Variants in PRIM2 observed in about 807,000 individuals in gnomAD.
PRIM2 encodes the protein DNA primase large subunit.
In PRIM2, 39 loss-of-function variants were observed where a neutral mutation model predicts 67.3. The ratio of observed to expected loss-of-function variants is 0.58; its 90% confidence interval spans 0.45 to 0.76. The LOEUF is 0.76. Ranked by LOEUF, PRIM2 falls within the 30% of genes least tolerant of loss-of-function variation. The probability of loss-of-function intolerance (pLI) is 0.00; values close to 1 mark genes in which losing one functional copy is unlikely to be tolerated. For missense variants in PRIM2, 398 were observed against 598.7 expected, an observed-to-expected ratio of 0.66 and a Z score of 3.50; for synonymous variants, 143 against 198.7, an observed-to-expected ratio of 0.72 and a Z score of 2.36.
At chr6:57,259,165 C>A in the PRIM2 span, among the ~76,000 whole-genome samples, 15 of 152,290 alleles carry the variant, frequency 9.8e-5, no homozygotes, top group African/African-American at 3.6e-4. Flanking sequence ...AAGTACATGG[C>A]ACTGAAACAG....
At chr6:57,446,505 T>C (rs7770455) in intron 7 of PRIM2, among the ~76,000 whole-genome samples, 78,336 of 146,630 alleles carry the variant, frequency 0.53, 21,410 homozygotes, top group South Asian at 0.63. Context: ...CCTGTGCTTT[T>C]TGGGTTCAAG....
upstream of PRIM2, among the ~76,000 whole-genome samples, chr6:57,313,027 T>C (rs1192931938): frequency 6.6e-6 from 1 of 152,230 alleles, no homozygotes; most frequent in Non-Finnish European, 1.5e-5. Flanking sequence ...GGGTTTTCTA[T>C]TCTGTTCCAT....
At chr6:57,612,678 T>C (rs1273904624) in intron 12 of PRIM2, among the ~76,000 whole-genome samples, 13 of 152,170 alleles carry the variant, frequency 8.5e-5, no homozygotes, top group Non-Finnish European at 1.8e-4. Flanking sequence ...AAAGGAAATA[T>C]ATTTTATTTA....
At chr6:57,576,222 G>A (rs2127483234) in intron 10 of PRIM2, among the ~76,000 whole-genome samples, 1 of 152,112 alleles carries the variant, frequency 6.6e-6, no homozygotes, top group African/African-American at 2.4e-5. Context: ...AAATAAATAT[G>A]AGAAATTTGT....
intron 6 of PRIM2, among the ~76,000 whole-genome samples, chr6:57,381,035 A>G (rs1004131397): frequency 6.6e-6 from 1 of 151,614 alleles, no homozygotes; most frequent in Non-Finnish European, 1.5e-5. Context: ...TTTCTTCCCT[A>G]TATTATTGCA....
At chr6:57,297,441 C>CT in the PRIM2 span, among the ~76,000 whole-genome samples, 2 of 151,980 alleles carry the variant, frequency 1.3e-5, no homozygotes, top group African/African-American at 4.8e-5. Flanking sequence ...GAGCAAGACT[C>CT]TGTCTAAAAA....
chr6:57,383,864 A>G (rs1162406368), intron 7 of PRIM2, among the ~76,000 whole-genome samples: 10 of 152,212 alleles, frequency 6.6e-5, no homozygotes, highest in Non-Finnish European at 1.5e-4. Flanking sequence ...AGGTACTCAT[A>G]TTTGAGTGGA....
At position 57,468,307 on chromosome 6, in the gene PRIM2, A is replaced by G. The variant is rs1460547261; in HGVS notation, c.694-39080A>G. Reference sequence around the variant, plus strand: ...TATTATTTTGTGATACGTTCCATCAATACCTAGTTTATTGAGAGTTTTTAG... The same window carrying G: ...TATTATTTTGTGATACGTTCCATCAGTACCTAGTTTATTGAGAGTTTTTAG... On this transcript the variant is annotated intron_variant, in intron 7 of 13. Transcript: ENST00000615550. Among the ~76,000 whole-genome samples the G allele has an allele frequency of 1.2e-3, 189 of 152,304 alleles. 4 individuals carry two copies. In the East Asian group the frequency reaches 0.016, roughly 13 times the overall value.
At chr6:57,627,380 TTTTC>T (rs1373033712) in intron 12 of PRIM2, among the ~76,000 whole-genome samples, 5 of 150,890 alleles carry the variant, frequency 3.3e-5, no homozygotes, top group African/African-American at 4.9e-5. Flanking sequence ...GCTACTCACT[TTTTC>T]TTTCTTTGTT....
intron 8 of PRIM2, among the ~76,000 whole-genome samples, chr6:57,521,338 G>T (rs1774614668): frequency 7.8e-6 from 1 of 128,324 alleles, no homozygotes; most frequent in Admixed American, 8.2e-5. Flanking sequence ...CTTTCTAAAT[G>T]TCTGAGTGGC....
chr6:57,450,156 A>T (rs187721323), intron 7 of PRIM2, among the ~76,000 whole-genome samples: 1 of 152,214 alleles, frequency 6.6e-6, no homozygotes, highest in Non-Finnish European at 1.5e-5. Context: ...GATTTAAGTG[A>T]TAGTAAGTTA....
At chr6:57,428,787 C>T (rs1299160946) in intron 7 of PRIM2, among the ~76,000 whole-genome samples, 1 of 152,140 alleles carries the variant, frequency 6.6e-6, no homozygotes, top group Non-Finnish European at 1.5e-5. Flanking sequence ...TAGAGAGTTT[C>T]AATTGTACCT....
chr6:57,610,172 G>A (rs1776639219), intron 12 of PRIM2, among the ~76,000 whole-genome samples: 1 of 152,110 alleles, frequency 6.6e-6, no homozygotes, highest in Non-Finnish European at 1.5e-5. Flanking sequence ...GGCTTCAAGT[G>A]ATTCTCCCGC....
chr6:57,525,818 C>T (rs1232041254), intron 8 of PRIM2, among the ~76,000 whole-genome samples: 4 of 152,216 alleles, frequency 2.6e-5, no homozygotes, highest in African/African-American at 7.2e-5. Flanking sequence ...ACATTATCCT[C>T]CCTGGACTAT....
intron 7 of PRIM2, among the ~76,000 whole-genome samples, chr6:57,418,740 T>G (rs1418802785): frequency 2.6e-5 from 4 of 152,110 alleles, no homozygotes; most frequent in African/African-American, 9.7e-5. Flanking sequence ...TCATTAAATA[T>G]TTCACGATTG....
chr6:57,236,284 C>T, the PRIM2 span, among the ~76,000 whole-genome samples: 4 of 152,122 alleles, frequency 2.6e-5, no homozygotes, highest in African/African-American at 9.7e-5. Flanking sequence ...CTGTAGCTCA[C>T]TGGTCCATGT....
intron 5 of PRIM2, among the ~76,000 whole-genome samples, chr6:57,328,608 A>AATT (rs1251733599): frequency 1.6e-4 from 24 of 152,234 alleles, no homozygotes; most frequent in African/African-American, 5.8e-4. Context: ...GGCTATTATG[A>AATT]ATAACGCTAC....
At chr6:57,551,371 G>A (rs1775397887) in intron 10 of PRIM2, among the ~76,000 whole-genome samples, 1 of 152,196 alleles carries the variant, frequency 6.6e-6, no homozygotes, top group Non-Finnish European at 1.5e-5. Flanking sequence ...CACCTGTTAA[G>A]TGAAGTCAGC....
chr6:57,310,473 T>C (rs1767359406), upstream of PRIM2, among the ~76,000 whole-genome samples: 1 of 152,240 alleles, frequency 6.6e-6, no homozygotes, highest in South Asian at 2.1e-4. Context: ...ACGGTAACAA[T>C]CTGATCTCTC....
Sources: gnomAD v4.1 joint callset for allele counts (sites outside exome capture counted in the v4.1 genomes callset) on GRCh38, gnomAD v4.1.1 for gene constraint, MANE v1.5 for transcripts, NCBI Gene and HGNC (gene_info 2026-07-23, HGNC 2026-07-21) for gene names.